Variants in INSR observed in about 807,000 individuals in gnomAD.
The protein encoded by INSR is IR.
In INSR, 67 loss-of-function variants were observed where a neutral mutation model predicts 142.6. That is an observed-to-expected ratio of 0.47 (90% CI 0.39 to 0.58). INSR has a LOEUF of 0.58. INSR is among the 20% of genes least tolerant of loss of function. The pLI is 0.00. For missense variants in INSR, 1,248 were observed against 1,833.2 expected, an observed-to-expected ratio of 0.68 and a Z score of 5.83; for synonymous variants, 756 against 743.1, an observed-to-expected ratio of 1.02 and a Z score of -0.28.
intron 2 of INSR, among the ~76,000 whole-genome samples, chr19:7,191,231 G>T (rs961026514): frequency 6.6e-6 from 1 of 151,924 alleles, no homozygotes; most frequent in African/African-American, 2.4e-5. Context: ...CGGGAGGCGG[G>T]GGTTGCAGTG....
chr19:7,145,853 A>G (rs72990452), intron 11 of INSR, among the ~76,000 whole-genome samples: 1 of 152,240 alleles, frequency 6.6e-6, no homozygotes, highest in Non-Finnish European at 1.5e-5. Flanking sequence ...ATTAGTAATG[A>G]TGAGATGGGG....
At chr19:7,262,403 C>T in intron 2 of INSR, among the ~76,000 whole-genome samples, 1 of 152,122 alleles carries the variant, frequency 6.6e-6, no homozygotes, top group East Asian at 1.9e-4. Flanking sequence ...ACCCGGGAGG[C>T]AGAGGTTGCA....
chr19:7,222,214 C>T (rs762129525), intron 2 of INSR, among the ~76,000 whole-genome samples: 24 of 151,830 alleles, frequency 1.6e-4, no homozygotes, highest in Non-Finnish European at 2.9e-4. Context: ...GAGACTCTTC[C>T]CCAACATCTA....
At chr19:7,180,236 T>C (rs372440784) in intron 3 of INSR, among the ~76,000 whole-genome samples, 2 of 152,198 alleles carry the variant, frequency 1.3e-5, no homozygotes, top group South Asian at 4.2e-4. Context: ...AGTGAATAAA[T>C]TGACAACAAA....
chr19:7,133,243 C>A (rs958111687), intron 13 of INSR, among the ~76,000 whole-genome samples: 3 of 152,168 alleles, frequency 2.0e-5, no homozygotes, highest in African/African-American at 7.2e-5. Context: ...GCCTGGGTGA[C>A]AGAGCTAGAC....
At chr19:7,212,900 C>A (rs557299967) in intron 2 of INSR, among the ~76,000 whole-genome samples, 1 of 152,116 alleles carries the variant, frequency 6.6e-6, no homozygotes, top group Non-Finnish European at 1.5e-5. Context: ...GAGAAAGTTC[C>A]ATCTGCTTCT....
intron 2 of INSR, among the ~76,000 whole-genome samples, chr19:7,234,200 C>T (rs548340404): frequency 3.3e-5 from 5 of 151,894 alleles, no homozygotes; most frequent in Non-Finnish European, 5.9e-5. Context: ...TCAGTCACTG[C>T]ATCTGGCCCC....
intron 2 of INSR, among the ~76,000 whole-genome samples, chr19:7,261,768 C>T (rs1309739284): frequency 3.3e-5 from 5 of 152,036 alleles, no homozygotes; most frequent in South Asian, 2.1e-4. Context: ...TGACCTCAAG[C>T]GATCCACCTA....
At chr19:7,134,494 CG>C (rs1232386123) in intron 13 of INSR, among the ~76,000 whole-genome samples, 1 of 151,462 alleles carries the variant, frequency 6.6e-6, no homozygotes, top group Admixed American at 6.6e-5. Context: ...AGCCCGGGCA[CG>C]GTGGCTCATG....
chr19:7,163,852 C>T (rs763231029), intron 8 of INSR, among the ~76,000 whole-genome samples: 17 of 140,912 alleles, frequency 1.2e-4, no homozygotes, highest in Admixed American at 5.4e-4. Flanking sequence ...CCGAGGTGGG[C>T]GAATCATCTG....
Position 7,197,580 on chromosome 19 carries a change from GTGT to G in INSR, c.653-12946_653-12944del, listed in dbSNP as rs1568480450. Among the ~76,000 whole-genome samples, 41 of 20,680 alleles carry G rather than the reference GTGT, an allele frequency of 2.0e-3. 8 individuals are homozygous for G. The highest frequency in any genetic ancestry group is 4.0e-3 in the South Asian group (3 of 754). 13.6% of individuals were successfully genotyped at this position (20,680 alleles called of 152,430 possible). On this transcript the variant is annotated intron_variant, in intron 2 of 21. Coordinates refer to ENST00000302850, the MANE Select transcript of INSR (RefSeq NM_000208.4). ...AGAGTGGGAGTGTGTGTGTTTGGGT[GTGT>G]GTGTGTGTGTGTGTGTCAGATTCCA...
In INSR at chr19:7,177,702, ATTTTT is replaced by A. The variant is rs71177166; in HGVS notation, c.975-2976_975-2972del. Among the ~76,000 whole-genome samples the A allele has an allele frequency of 1.0e-3, 92 of 90,664 alleles. 1 individual carries two copies. Among genetic ancestry groups the A allele is most frequent in the Middle Eastern group, 8.1e-3 (1 of 124 alleles). 59.5% of individuals were successfully genotyped at this position (90,664 alleles called of 152,430 possible). ...ACCACCATGCCCCATCTAATTTTGTATTTTTTTTTTTTTTTTTTTTTTTTAGTAGA... is the reference window on the plus strand; with the variant it reads ...ACCACCATGCCCCATCTAATTTTGTATTTTTTTTTTTTTTTTTTTAGTAGA... On this transcript the variant is annotated intron_variant, in intron 3 of 21. Coordinates refer to ENST00000302850, the MANE Select transcript of INSR (RefSeq NM_000208.4).
chr19:7,284,731 T>C (rs1248896212), intron 1 of INSR, among the ~76,000 whole-genome samples: 1 of 152,156 alleles, frequency 6.6e-6, no homozygotes, highest in Non-Finnish European at 1.5e-5. Flanking sequence ...GGTTTCACCA[T>C]GTTAGCCAGG....
At chr19:7,283,801 T>A (rs1968271393) in intron 1 of INSR, among the ~76,000 whole-genome samples, 1 of 152,160 alleles carries the variant, frequency 6.6e-6, no homozygotes. Context: ...GAAATTCCCC[T>A]GAATGTTGAA....
intron 2 of INSR, among the ~76,000 whole-genome samples, chr19:7,251,508 G>A (rs767992913): frequency 1.5e-4 from 22 of 151,258 alleles, no homozygotes; most frequent in African/African-American, 2.9e-4. Flanking sequence ...TGATCCTCCC[G>A]CCTCAGCCTC....
chr19:7,186,251 A>C (rs895399834), intron 2 of INSR, among the ~76,000 whole-genome samples: 4 of 152,004 alleles, frequency 2.6e-5, no homozygotes, highest in African/African-American at 9.7e-5. Context: ...AGTGTTCTTC[A>C]CCCCAAATCC....
chr19:7,186,604 C>T (rs1219835149), intron 2 of INSR, among the ~76,000 whole-genome samples: 5 of 152,172 alleles, frequency 3.3e-5, no homozygotes, highest in Non-Finnish European at 7.3e-5. Context: ...AGAACTTTCT[C>T]ACCTTAACCA....
In INSR at chr19:7,259,104, C is replaced by CTTCCTCCCTTCT. The variant is rs1976982576; in HGVS notation, c.652+8240_652+8241insAGAAGGGAGGAA. On this transcript the variant is annotated intron_variant, in intron 2 of 21. Transcript: ENST00000302850. The stretch of plus-strand genomic sequence containing the variant: ...CTTTCCTTCCCGCCTTCCCTCCTTC[C>CTTCCTCCCTTCT]TTCCTTCCTTTCTTTCCTTTTATTT... 3.9e-5 allele frequency among the ~76,000 whole-genome samples: 5 copies of CTTCCTCCCTTCT among 129,408 alleles called. 1 individual carries two copies. The Admixed American group carries it at 4.0e-4, about 10-fold the overall frequency. The allele number at this position is 129,408 out of a possible 152,430, so 84.9% of individuals were successfully genotyped here. A position where few individuals can be genotyped will look rare whatever the true frequency, so the allele number is the denominator to read the frequency against.
chr19:7,196,797 T>G (rs760137555), intron 2 of INSR, among the ~76,000 whole-genome samples: 1 of 151,946 alleles, frequency 6.6e-6, no homozygotes, highest in Non-Finnish European at 1.5e-5. Context: ...AAAAAAATAC[T>G]CAAGATTTAT....
Sources: gnomAD v4.1 joint callset for allele counts (sites outside exome capture counted in the v4.1 genomes callset) on GRCh38, gnomAD v4.1.1 for gene constraint, MANE v1.5 for transcripts, NCBI Gene and HGNC (gene_info 2026-07-23, HGNC 2026-07-21) for gene names.